ZNF550: variants seen among roughly 807,000 people sequenced by gnomAD.
The protein encoded by ZNF550 is zinc finger protein 550.
ZNF550 carries 42 observed loss-of-function variants against 40.2 expected under a neutral mutation model. The observed-to-expected ratio is 1.05, with a 90% CI of 0.82 to 1.35. ZNF550 has a LOEUF of 1.35. ZNF550 is among the 40% of genes most tolerant of loss of function. The probability of loss-of-function intolerance (pLI) is 0.00; values close to 1 mark genes in which losing one functional copy is unlikely to be tolerated. For synonymous variants in ZNF550, 223 were observed against 198.6 expected, an observed-to-expected ratio of 1.12 and a Z score of -1.03; for missense variants, 549 against 525.2, an observed-to-expected ratio of 1.05 and a Z score of -0.44.
chr19:57,548,549 T>C (rs1334908995), intron 3 of ZNF550, among the ~76,000 whole-genome samples: 1 of 152,128 alleles, frequency 6.6e-6, no homozygotes, highest in African/African-American at 2.4e-5. Context: ...CTAGTCAAAA[T>C]GGCTTTTGTC....
chr19:57,559,332 C>T (rs1157963992), intron 1 of ZNF550, among the ~76,000 whole-genome samples: 3 of 152,194 alleles, frequency 2.0e-5, no homozygotes, highest in African/African-American at 4.8e-5. Flanking sequence ...AGTAACGGGA[C>T]TTGTTCAAGG....
At chr19:57,561,089 T>C (rs1483455019), upstream of ZNF550, among the ~76,000 whole-genome samples, 1 of 152,232 alleles carries the variant, frequency 6.6e-6, no homozygotes, top group Non-Finnish European at 1.5e-5. The surrounding 1 kb of genome is among the most constrained non-coding windows in gnomAD (Gnocchi z 4.9). Context: ...GACTGGGATT[T>C]TGGCCATTCT....
At chr19:57,557,438 T>C (rs1408407433) in intron 1 of ZNF550, 1 of 152,020 alleles carries the variant, frequency 6.6e-6, no homozygotes, top group Non-Finnish European at 1.5e-5. Context: ...TTTGCTCACA[T>C]GTTTTCCTGC....
At chr19:57,544,616 AC>A in intron 4 of ZNF550, 1 of 985,132 alleles carries the variant, frequency 1.0e-6, no homozygotes, top group East Asian at 1.1e-4. Flanking sequence ...CTCTTAACTC[AC>A]CAAGAATTCT....
chr19:57,547,408 G>C (rs369059914), exon 4 of ZNF550: 34 of 1,609,168 alleles, frequency 2.1e-5, no homozygotes, highest in Non-Finnish European at 2.9e-5. Flanking sequence ...AGTGTGGATT[G>C]GATGGTGCTG....
In ZNF550 at chr19:57,554,775, T is replaced by C. The variant is rs898499000; in HGVS notation, c.154+1456A>G. On this transcript the variant is annotated intron_variant, in intron 2 of 4. Coordinates refer to ENST00000457177, the Ensembl canonical transcript of ZNF550. This position sits in a 1 kb window ranked among gnomAD's most constrained non-coding sequence, Gnocchi z 4.5. ...GTGGGAAAGGTGAATCAGATGATCC[T>C]TTGGCTCTCCCAAGAGCTGAGCTCC... The C allele has an allele frequency of 6.6e-6, 1 of 152,224 alleles. No homozygotes were observed. Among genetic ancestry groups the C allele is most frequent in the Non-Finnish European group, 1.5e-5 (1 of 68,052 alleles). The allele number at this position is 152,224 out of a possible 1,614,324, so 9.4% of individuals were successfully genotyped here. A position where few individuals can be genotyped will look rare whatever the true frequency, so the allele number is the denominator to read the frequency against.
At chr19:57,546,620 T>C (rs2090012243) in exon 4 of ZNF550, 1 of 1,025,532 alleles carries the variant, frequency 9.8e-7, no homozygotes, top group Non-Finnish European at 1.2e-6. Flanking sequence ...GATAGTAAGA[T>C]TTCTGCTCTG....
chr19:57,559,381 A>T (rs2090150071), intron 1 of ZNF550, among the ~76,000 whole-genome samples: 1 of 152,218 alleles, frequency 6.6e-6, no homozygotes, highest in Admixed American at 6.5e-5. Context: ...AAGAGCCACG[A>T]GGAGGACTGC....
intron 1 of ZNF550, 61 bp from the exon 2 acceptor site, chr19:57,556,418 GTCAC>G: frequency 6.4e-7 from 1 of 1,560,328 alleles, no homozygotes; most frequent in Non-Finnish European, 8.7e-7. Flanking sequence ...ATCAGAACCT[GTCAC>G]TCAGTCTCTA....
chr19:57,547,056 C>T, exon 4 of ZNF550: 2 of 1,613,878 alleles, frequency 1.2e-6, no homozygotes, highest in South Asian at 2.2e-5. Context: ...TGTAGGGCAT[C>T]TCCCCAGTGT....
At chr19:57,553,108 A>G in intron 2 of ZNF550, 1 of 164,340 alleles carries the variant, frequency 6.1e-6, no homozygotes, top group Non-Finnish European at 1.3e-5. Flanking sequence ...CCAGGAAGAG[A>G]GGTCTCAATA....
intron 3 of ZNF550, among the ~76,000 whole-genome samples, chr19:57,551,268 T>A (rs1456282309): frequency 6.6e-6 from 1 of 152,076 alleles, no homozygotes; most frequent in East Asian, 1.9e-4. Context: ...TACTGAAACA[T>A]CAGCTGCTGG....
exon 4 of ZNF550, chr19:57,546,817 T>C: frequency 7.1e-7 from 1 of 1,410,384 alleles, no homozygotes. Flanking sequence ...AAGTGACTGC[T>C]CATGTGTTAG....
chr19:57,544,032 T>C (rs1386430344), intron 4 of ZNF550: 2 of 985,368 alleles, frequency 2.0e-6, no homozygotes, highest in African/African-American at 3.5e-5. Flanking sequence ...AAACTTCTAC[T>C]GACTTAAAAA....
chr19:57,560,077 C>T (rs1042203923), upstream of ZNF550, among the ~76,000 whole-genome samples: 1 of 152,220 alleles, frequency 6.6e-6, no homozygotes, highest in Admixed American at 6.5e-5. Flanking sequence ...GATGCCTCAA[C>T]GTCCCTACAA....
chr19:57,554,032 C>G lies in ZNF550; in HGVS notation c.155-1310G>C, dbSNP rs1159633685. The G allele has an allele frequency of 6.6e-6, 1 of 152,152 alleles. No individual in the cohort carries two copies. The highest frequency in any genetic ancestry group is 1.5e-5 in the Non-Finnish European group (1 of 68,138). 9.4% of individuals were successfully genotyped at this position (152,152 alleles called of 1,614,324 possible). A position where few individuals can be genotyped will look rare whatever the true frequency, so the allele number is the denominator to read the frequency against. ...CTCTACCAAAAATATAAAAAATTAG[C>G]CAGGTATGGTGGTGTGCACCTATGG... On this transcript the variant is annotated intron_variant, in intron 2 of 4. Coordinates refer to ENST00000457177, the Ensembl canonical transcript of ZNF550. This position sits in a 1 kb window ranked among gnomAD's most constrained non-coding sequence, Gnocchi z 4.5.
At chr19:57,546,648 A>G (rs1276762769) in exon 4 of ZNF550, 1 of 1,078,156 alleles carries the variant, frequency 9.3e-7, no homozygotes, top group African/African-American at 1.6e-5. Context: ...ACTGTCCTTA[A>G]TAGTTATATT....
At chr19:57,546,733 T>G (rs1210942006) in exon 4 of ZNF550, 1 of 1,276,538 alleles carries the variant, frequency 7.8e-7, no homozygotes, top group Non-Finnish European at 9.9e-7. Flanking sequence ...GTATGAATCC[T>G]TCTGCAATGA....
intron 2 of ZNF550, 81 bp downstream of exon 2, chr19:57,556,150 G>A: frequency 6.3e-7 from 1 of 1,578,358 alleles, no homozygotes; most frequent in South Asian, 1.1e-5. Flanking sequence ...TCAAGAGAAA[G>A]GTGGGCAGTT....
Sources: gnomAD v4.1 joint callset for allele counts (sites outside exome capture counted in the v4.1 genomes callset) on GRCh38, gnomAD v4.1.1 for gene constraint, Gnocchi (gnomAD v3.1) non-coding constraint, MANE v1.5 for transcripts, NCBI Gene and HGNC (gene_info 2026-07-23, HGNC 2026-07-21) for gene names.